Variants in CYP2R1 observed in about 807,000 individuals in gnomAD.
CYP2R1 encodes vitamin D 25-hydroxylase.
Under a neutral mutation model 45.7 loss-of-function variants are expected in CYP2R1, and 40 were observed. The observed-to-expected ratio is 0.87, with a 90% CI of 0.68 to 1.14. The LOEUF is 1.14. Among genes scored for constraint, CYP2R1 ranks in the 50% most tolerant of loss-of-function variants. The probability of loss-of-function intolerance (pLI) is 0.00; values close to 1 mark genes in which losing one functional copy is unlikely to be tolerated. For missense variants in CYP2R1, 605 were observed against 602.6 expected (o/e 1.00, Z -0.04); for synonymous variants, 234 against 219.3 (o/e 1.07, Z -0.59).
chr11:14,880,150 T>TG lies in CYP2R1; in HGVS notation c.985_986insC (p.Tyr329SerfsTer3). On this transcript the variant is annotated frameshift_variant, in exon 3 of 5. Transcript: ENST00000334636. LOFTEE classifies it high-confidence loss of function. ...AGAATCCTCACCTTGAATATTAGGATAAAGGGCCATGAAAAGAATCGCCCA... is the reference window on the plus strand; with the variant it reads ...AGAATCCTCACCTTGAATATTAGGATGAAAGGGCCATGAAAAGAATCGCCCA... 1 of 1,612,634 alleles carries TG rather than the reference T, an allele frequency of 6.2e-7. No individual in the cohort carries two copies. The highest frequency in any genetic ancestry group is 8.5e-7 in the Non-Finnish European group (1 of 1,179,168).
rs1848333517 is a variant in CYP2R1, at chr11:14,880,446, A to G, written c.690T>C (p.Asn230=). 7 of 1,613,488 alleles carry G rather than the reference A, an allele frequency of 4.3e-6. No individual in the cohort carries two copies. The highest frequency in any genetic ancestry group is 5.9e-6 in the Non-Finnish European group (7 of 1,179,700). ...LAASASVFLY[N]AFPWIGILPF... ...GCAGGATGCCAATCCATGGAAAGGC[A>G]TTATACAAGAAGACTGAGGCACTGG... Residue 230 remains asparagine, a synonymous_variant, in exon 3 of 5, where the codon AAT becomes AAC. Transcript: ENST00000334636.
intron 1 of CYP2R1, among the ~76,000 whole-genome samples, chr11:14,888,655 C>T (rs561661020): frequency 1.3e-5 from 2 of 152,252 alleles, no homozygotes; most frequent in African/African-American, 4.8e-5. Flanking sequence ...CTATCTTGAA[C>T]CAGAAACATT....
At position 14,877,905 on chromosome 11, in the gene CYP2R1, C is replaced by G; in HGVS notation, c.*217G>C. 1.8e-6 allele frequency: 1 copy of G among 546,418 alleles called. No homozygotes were observed. The highest frequency in any genetic ancestry group is 2.6e-5 in the South Asian group (1 of 38,030). 33.8% of individuals were successfully genotyped at this position (546,418 alleles called of 1,614,324 possible). On this transcript the variant is annotated 3_prime_UTR_variant, in exon 5 of 5. Coordinates refer to ENST00000334636, the MANE Select transcript of CYP2R1 (RefSeq NM_024514.5). ...ACACCCATCATTTGCACCTTTGTGT[C>G]TCTCAACAGAGAATTTTACCCCAGA...
chr11:14,882,753 G>A (rs535643437), intron 2 of CYP2R1, among the ~76,000 whole-genome samples: 3 of 152,346 alleles, frequency 2.0e-5, no homozygotes, highest in Admixed American at 6.5e-5. Flanking sequence ...GTCTCTGTTT[G>A]CAGATGACAT....
At chr11:14,891,521 C>A (rs1330674580) in intron 1 of CYP2R1, 1 of 996,352 alleles carries the variant, frequency 1.0e-6, no homozygotes, top group Non-Finnish European at 1.2e-6. Context: ...ACTGCAGACA[C>A]CGAAGAACCT....
At chr11:14,888,847 A>T (rs1353275508) in intron 1 of CYP2R1, among the ~76,000 whole-genome samples, 1 of 152,172 alleles carries the variant, frequency 6.6e-6, no homozygotes, top group Admixed American at 6.5e-5. Context: ...GAATTATTTT[A>T]TTGTCCTGAA....
intron 2 of CYP2R1, among the ~76,000 whole-genome samples, chr11:14,881,328 A>G (rs1848378155): frequency 6.6e-6 from 1 of 152,120 alleles, no homozygotes; most frequent in African/African-American, 2.4e-5. Context: ...AAGGGCAAAC[A>G]TGAAGCTCAA....
Position 14,885,855 on chromosome 11 carries a change from C to T in CYP2R1, c.288G>A (p.Lys96=). 1 of 1,613,476 alleles carries T rather than the reference C, an allele frequency of 6.2e-7. No homozygotes were observed. Among genetic ancestry groups the T allele is most frequent in the Non-Finnish European group, 8.5e-7 (1 of 1,179,654 alleles). ...TVVLNGYDVV[K]ECLVHQSEIF... is the part of the protein sequence containing the mutation. ...TTTCGCTTTGATGAACAAGGCATTCCTTTACTACATCATAGCCATTTAGAA... is the reference window on the plus strand; with the variant it reads ...TTTCGCTTTGATGAACAAGGCATTCTTTTACTACATCATAGCCATTTAGAA... The change falls in exon 2 of 5, where the codon AAG becomes AAA. Residue 96 remains lysine, a synonymous_variant. Transcript: ENST00000334636.
At chr11:14,892,285 C>T (rs1848894271), upstream of CYP2R1, 2 of 1,394,314 alleles carry the variant, frequency 1.4e-6, no homozygotes, top group South Asian at 2.4e-5. Flanking sequence ...CTCCCATTGG[C>T]AGGATACCCT....
Position 14,880,324 on chromosome 11 carries a change from T to C in CYP2R1, c.812A>G (p.Gln271Arg), listed in dbSNP as rs1848328141. The C allele has an allele frequency of 6.2e-7, 1 of 1,613,190 alleles. No homozygotes were observed. The highest frequency in any genetic ancestry group is 1.3e-5 in the African/African-American group (1 of 74,886). ...IEKASVNRKP[Q>R]LPQHFVDAYL... Reference sequence around the variant, plus strand: ...AGCATCAACAAAATGCTGAGGTAGCTGAGGCTTTCTGTTGACTGAAGCTTT... The same window carrying C: ...AGCATCAACAAAATGCTGAGGTAGCCGAGGCTTTCTGTTGACTGAAGCTTT... The change falls in exon 3 of 5, where the codon CAG becomes CGG. Residue 271 changes from glutamine (Q) to arginine (R), a missense_variant. Physicochemically the swap from Gln to Arg is conservative, Grantham distance 43. Transcript: ENST00000334636.
At chr11:14,891,040 C>G in intron 1 of CYP2R1, 4 of 985,444 alleles carry the variant, frequency 4.1e-6, no homozygotes, top group Non-Finnish European at 4.8e-6. Context: ...TTCTTCACCG[C>G]TAGCGTCAGG....
Position 14,891,613 on chromosome 11 carries a change from G to T in CYP2R1, c.225+368C>A, listed in dbSNP as rs1230555605. 7.5e-6 allele frequency: 8 copies of T among 1,064,278 alleles called. No homozygotes were observed. In the Admixed American group the frequency reaches 1.5e-4, roughly 21 times the overall value. 65.9% of individuals were successfully genotyped at this position (1,064,278 alleles called of 1,614,324 possible). A position where few individuals can be genotyped will look rare whatever the true frequency, so the allele number is the denominator to read the frequency against. On this transcript the variant is annotated intron_variant, in intron 1 of 4. Transcript: ENST00000334636. ...TTCCACAGAGCTGCGAGGCCGACTCGCAAGACGCCCGCACCTGAGGGCATG... is the reference window on the plus strand; with the variant it reads ...TTCCACAGAGCTGCGAGGCCGACTCTCAAGACGCCCGCACCTGAGGGCATG...
At chr11:14,886,381 G>C (rs573526216) in intron 1 of CYP2R1, 1 of 168,078 alleles carries the variant, frequency 5.9e-6, no homozygotes, top group Non-Finnish European at 1.3e-5. Context: ...GGAGAGGATT[G>C]TCAAATACCT....
chr11:14,887,447 G>A (rs1466026677), intron 1 of CYP2R1: 1 of 308,772 alleles, frequency 3.2e-6, no homozygotes, highest in African/African-American at 2.3e-5. Context: ...AGTTTTCAAG[G>A]ACTTTTGGTA....
In CYP2R1 at chr11:14,879,279, C is replaced by T; in HGVS notation, c.1165G>A (p.Val389Ile). Reference sequence around the variant, plus strand: ...CCTTTAGGAATGGAATAACCACGTACAACTGCATCTTCAGAGGTTGCATGG... The same window carrying T: ...CCTTTAGGAATGGAATAACCACGTATAACTGCATCTTCAGAGGTTGCATGG... ...IFHATSEDAV[V>I]RGYSIPKGTT... The change falls in exon 4 of 5, where the codon GTA becomes ATA. Residue 389 changes from valine (V) to isoleucine (I), a missense_variant. Coordinates refer to ENST00000334636, the MANE Select transcript of CYP2R1 (RefSeq NM_024514.5). 6.2e-7 allele frequency: 1 copy of T among 1,613,264 alleles called. No individual in the cohort carries two copies. The highest frequency in any genetic ancestry group is 8.5e-7 in the Non-Finnish European group (1 of 1,179,504).
intron 4 of CYP2R1, among the ~76,000 whole-genome samples, 157 bp from the exon 5 acceptor site, chr11:14,878,454 A>C (rs760198978): frequency 8.5e-5 from 13 of 152,128 alleles, no homozygotes; most frequent in Non-Finnish European, 1.8e-4. Flanking sequence ...AAAGAATAGA[A>C]ATTGACACTT....
intron 4 of CYP2R1, among the ~76,000 whole-genome samples, chr11:14,878,624 C>T (rs1240543930): frequency 3.9e-5 from 6 of 152,140 alleles, no homozygotes; most frequent in African/African-American, 1.2e-4. Flanking sequence ...GAACAGTCCA[C>T]TTCATTTCAA....
rs112205170 is a variant in CYP2R1, at chr11:14,886,021, C to T, written c.226-104G>A. On this transcript the variant is annotated intron_variant, in intron 1 of 4. Transcript: ENST00000334636. Reference sequence around the variant, plus strand: ...AGTGCGGCTCTTCCAGGATTTGTTACGTCCCTGAAAATATAGGCAGTTATT... The same window carrying T: ...AGTGCGGCTCTTCCAGGATTTGTTATGTCCCTGAAAATATAGGCAGTTATT... 674 of 1,149,606 alleles carry T rather than the reference C, an allele frequency of 5.9e-4. 1 individual carries two copies. In the African/African-American group the frequency reaches 6.6e-3, roughly 11 times the overall value. The allele number at this position is 1,149,606 out of a possible 1,614,324, so 71.2% of individuals were successfully genotyped here.
chr11:14,890,034 CAGG>C (rs1279220069), intron 1 of CYP2R1, among the ~76,000 whole-genome samples: 1 of 152,024 alleles, frequency 6.6e-6, no homozygotes, highest in Non-Finnish European at 1.5e-5. Flanking sequence ...GAGGCTGAGG[CAGG>C]AGAATGGCGT....
Sources: allele counts gnomAD v4.1 joint callset (sites outside exome capture counted in the v4.1 genomes callset), GRCh38; gene constraint gnomAD v4.1.1; transcripts MANE v1.5; gene names NCBI Gene and HGNC (gene_info 2026-07-23, HGNC 2026-07-21).